The following CBFB variants were observed in gnomAD, a reference collection of about 807,000 sequenced individuals.
The protein encoded by CBFB is CBF-beta.
A neutral mutation model predicts 30.4 loss-of-function variants in CBFB; 9 were observed. That is an observed-to-expected ratio of 0.30 (90% CI 0.18 to 0.52). CBFB has a LOEUF of 0.52. Ranked by LOEUF, CBFB falls within the 20% of genes least tolerant of loss-of-function variation. The probability of loss-of-function intolerance (pLI) is 0.97; values close to 1 mark genes in which losing one functional copy is unlikely to be tolerated. For synonymous variants in CBFB, 94 were observed against 84.0 expected, an observed-to-expected ratio of 1.12 and a Z score of -0.65; for missense variants, 170 against 244.0, an observed-to-expected ratio of 0.70 and a Z score of 2.02.
intron 3 of CBFB, among the ~76,000 whole-genome samples, chr16:67,049,941 G>A (rs77679940): frequency 0.019 from 2,866 of 152,022 alleles, 93 homozygotes; most frequent in African/African-American, 0.066. Flanking sequence ...GAGGCCAGGA[G>A]GCTAAGTTAA....
At chr16:67,049,614 T>G (rs1567609145) in intron 3 of CBFB, among the ~76,000 whole-genome samples, 1 of 152,148 alleles carries the variant, frequency 6.6e-6, no homozygotes, top group African/African-American at 2.4e-5. Flanking sequence ...TCCACCTCAC[T>G]GGGACTGTAG....
chr16:67,097,699 TCA>T (rs1213793829), intron 5 of CBFB, among the ~76,000 whole-genome samples: 1 of 152,236 alleles, frequency 6.6e-6, no homozygotes. Flanking sequence ...TCTCTGTGAT[TCA>T]GTTTTTTTAT....
At chr16:67,075,197 ATGTGTGTGTGTGTGTGTGTGT>A (rs1961354031) in intron 4 of CBFB, among the ~76,000 whole-genome samples, 1 of 142,662 alleles carries the variant, frequency 7.0e-6, no homozygotes, top group African/African-American at 2.6e-5. Context: ...CTCAAAAAAA[ATGTGTGTGTGTGTGTGTGTGT>A]GTGTGTGTGT....
At chr16:67,036,580 C>A in intron 2 of CBFB, 59 bp from the exon 3 acceptor site, 1 of 924,360 alleles carries the variant, frequency 1.1e-6, no homozygotes, top group Non-Finnish European at 1.8e-6. Flanking sequence ...TAAATGACTG[C>A]TTGCATAATT....
At chr16:67,048,306 A>G (rs1268931909) in intron 3 of CBFB, among the ~76,000 whole-genome samples, 2 of 152,180 alleles carry the variant, frequency 1.3e-5, no homozygotes, top group African/African-American at 4.8e-5. Flanking sequence ...GTATTGGCCA[A>G]GGTTAAAATA....
In CBFB at chr16:67,029,332, G is replaced by C. The variant is rs1966286442; in HGVS notation, c.-76G>C. ...GGCGCCGCGGGTGGGCGGTCAGTCG[G>C]TCAGCGCGGAGCCAGCCAGCGGGTG... is the stretch of plus-strand genomic sequence containing the variant. On this transcript the variant is annotated 5_prime_UTR_variant, in exon 1 of 6. Transcript: ENST00000412916. 9.3e-7 allele frequency: 1 copy of C among 1,074,098 alleles called. No individual in the cohort carries two copies. The allele number at this position is 1,074,098 out of a possible 1,614,324, so 66.5% of individuals were successfully genotyped here. A position where few individuals can be genotyped will look rare whatever the true frequency, so the allele number is the denominator to read the frequency against.
At chr16:67,060,291 C>G (rs934925756) in intron 3 of CBFB, among the ~76,000 whole-genome samples, 1 of 152,140 alleles carries the variant, frequency 6.6e-6, no homozygotes, top group African/African-American at 2.4e-5. Flanking sequence ...AATGACAGCT[C>G]ATTGAGATAC....
At chr16:67,042,485 A>G (rs1336125098) in intron 3 of CBFB, among the ~76,000 whole-genome samples, 1 of 152,194 alleles carries the variant, frequency 6.6e-6, no homozygotes, top group Non-Finnish European at 1.5e-5. Context: ...TGTAGATGCT[A>G]CCACAGTCAA....
intron 3 of CBFB, among the ~76,000 whole-genome samples, chr16:67,055,174 C>T (rs1340095231): frequency 4.0e-5 from 6 of 151,774 alleles, no homozygotes; most frequent in Non-Finnish European, 7.4e-5. Flanking sequence ...ACAGTGAAAC[C>T]AAATTAAAAT....
Position 67,099,741 on chromosome 16 carries a change from G to A in CBFB, c.*963G>A, listed in dbSNP as rs1396120945. 9.7e-6 allele frequency: 2 copies of A among 205,496 alleles called. No homozygotes were observed. Among genetic ancestry groups the A allele is most frequent in the African/African-American group, 4.6e-5 (2 of 43,694 alleles). The allele number at this position is 205,496 out of a possible 1,614,324, so 12.7% of individuals were successfully genotyped here. ...AGTCAATCAGAAAAGGGATACTGGA[G>A]CTTCTTCATGTATGTAACAGCATAT... On this transcript the variant is annotated 3_prime_UTR_variant, in exon 6 of 6. Transcript: ENST00000412916.
At chr16:67,082,092 T>C (rs1234753615) in intron 4 of CBFB, 121 bp from the exon 5 acceptor site, 13 of 665,848 alleles carry the variant, frequency 2.0e-5, no homozygotes, top group Non-Finnish European at 3.0e-5. Flanking sequence ...GTGCTGAGAT[T>C]ACAGGCGTGA....
intron 3 of CBFB, among the ~76,000 whole-genome samples, chr16:67,056,249 G>A (rs958289425): frequency 6.6e-6 from 1 of 152,216 alleles, no homozygotes; most frequent in Non-Finnish European, 1.5e-5. Flanking sequence ...GTGCCTTATG[G>A]AGAAAATGTA....
chr16:67,042,787 G>C (rs376659435), intron 3 of CBFB, among the ~76,000 whole-genome samples: 1 of 151,982 alleles, frequency 6.6e-6, no homozygotes, highest in East Asian at 1.9e-4. Context: ...ATCCAGGCTG[G>C]AGTGCAGTGG....
chr16:67,030,014 C>A, intron 2 of CBFB: 1 of 460,252 alleles, frequency 2.2e-6, no homozygotes, highest in Non-Finnish European at 3.8e-6. Context: ...TGGGGCTCGC[C>A]GCGGTGGCGC....
At chr16:67,072,214 T>C (rs551553369) in intron 4 of CBFB, among the ~76,000 whole-genome samples, 11 of 152,332 alleles carry the variant, frequency 7.2e-5, no homozygotes, top group African/African-American at 2.2e-4. Context: ...GATTTTATTA[T>C]ATTGCTAGCC....
intron 5 of CBFB, among the ~76,000 whole-genome samples, chr16:67,098,066 T>G (rs1198057031): frequency 6.6e-6 from 1 of 152,256 alleles, no homozygotes; most frequent in Non-Finnish European, 1.5e-5. Flanking sequence ...TGTGTTAAAG[T>G]TAAATCCTCT....
At chr16:67,064,497 G>A (rs1266851997) in intron 3 of CBFB, among the ~76,000 whole-genome samples, 1 of 152,140 alleles carries the variant, frequency 6.6e-6, no homozygotes, top group Non-Finnish European at 1.5e-5. Context: ...GAGCCACCGT[G>A]CCCAGCCCTA....
chr16:67,045,822 G>A (rs1227263971), intron 3 of CBFB, among the ~76,000 whole-genome samples: 3 of 140,926 alleles, frequency 2.1e-5, no homozygotes, highest in East Asian at 4.1e-4. Flanking sequence ...TTGAGACAGT[G>A]TCTTGCTCTG....
At position 67,064,492 on chromosome 16, in the gene CBFB, A is replaced by T. The variant is rs1057014240; in HGVS notation, c.283-2190A>T. ...AGTGCTGGGATTACAAGCGTGAGCCACCGTGCCCAGCCCTAAAATTATGTT... is the reference window on the plus strand; with the variant it reads ...AGTGCTGGGATTACAAGCGTGAGCCTCCGTGCCCAGCCCTAAAATTATGTT... On this transcript the variant is annotated intron_variant, in intron 3 of 5. Transcript: ENST00000412916. 2.0e-5 allele frequency among the ~76,000 whole-genome samples: 3 copies of T among 152,232 alleles called. No homozygotes were observed. In the East Asian group the frequency reaches 5.8e-4, roughly 29 times the overall value.
Sources: allele counts gnomAD v4.1 joint callset (sites outside exome capture counted in the v4.1 genomes callset), GRCh38; gene constraint gnomAD v4.1.1; transcripts MANE v1.5; gene names NCBI Gene and HGNC (gene_info 2026-07-23, HGNC 2026-07-21).